CNTN5: variants seen among roughly 807,000 people sequenced by gnomAD.
The protein encoded by CNTN5 is contactin-5.
A neutral mutation model predicts 129.1 loss-of-function variants in CNTN5; 77 were observed. The ratio of observed to expected loss-of-function variants is 0.60; its 90% CI spans 0.50 to 0.72. The LOEUF is 0.72. Among genes scored for constraint, CNTN5 ranks in the 30% least tolerant of loss-of-function variants. The pLI, the probability that CNTN5 is intolerant of heterozygous loss-of-function variation, is 0.00. For missense variants in CNTN5, 1,478 were observed against 1,328.8 expected, an observed-to-expected ratio of 1.11 and a Z score of -1.75; for synonymous variants, 509 against 465.6, an observed-to-expected ratio of 1.09 and a Z score of -1.20.
intron 3 of CNTN5, among the ~76,000 whole-genome samples, chr11:99,642,091 T>C (rs1184405182): frequency 2.0e-5 from 3 of 152,144 alleles, no homozygotes; most frequent in Admixed American, 6.5e-5. Flanking sequence ...ATAGGGAAGA[T>C]TTCATTCTAC....
chr11:99,423,045 CT>C (rs1158625296), intron 2 of CNTN5, among the ~76,000 whole-genome samples: 1 of 152,166 alleles, frequency 6.6e-6, no homozygotes, highest in Non-Finnish European at 1.5e-5. Flanking sequence ...CACTAAGAGA[CT>C]GCAGGTACAG....
At chr11:99,910,595 G>T (rs1257081563) in intron 6 of CNTN5, among the ~76,000 whole-genome samples, 2 of 151,958 alleles carry the variant, frequency 1.3e-5, no homozygotes, top group Non-Finnish European at 2.9e-5. Flanking sequence ...TAAAACTTTA[G>T]AATCAATCAC....
chr11:100,129,275 C>G (rs1057299289), intron 13 of CNTN5, among the ~76,000 whole-genome samples: 6 of 152,114 alleles, frequency 3.9e-5, no homozygotes, highest in African/African-American at 9.7e-5. Flanking sequence ...TTTCAGGTAG[C>G]CTTTTTTCTA....
intron 21 of CNTN5, among the ~76,000 whole-genome samples, chr11:100,311,851 C>G (rs1951479913): frequency 6.6e-6 from 1 of 151,960 alleles, no homozygotes; most frequent in South Asian, 2.1e-4. Context: ...CAAGATTACT[C>G]AAGAGTGACA....
At chr11:100,256,770 C>T (rs1282542531) in intron 17 of CNTN5, among the ~76,000 whole-genome samples, 1 of 152,026 alleles carries the variant, frequency 6.6e-6, no homozygotes, top group East Asian at 1.9e-4. Flanking sequence ...CACACCAGCC[C>T]AGATACTACA....
chr11:99,696,380 G>A (rs1954270774), intron 3 of CNTN5, among the ~76,000 whole-genome samples: 2 of 151,984 alleles, frequency 1.3e-5, no homozygotes, highest in African/African-American at 4.8e-5. Context: ...GTTTGACAGA[G>A]TATGATGAGA....
At chr11:100,041,975 T>G (rs1942403455) in intron 9 of CNTN5, among the ~76,000 whole-genome samples, 1 of 152,174 alleles carries the variant, frequency 6.6e-6, no homozygotes, top group Admixed American at 6.5e-5. Flanking sequence ...AAGCTTATAT[T>G]CAAGTTAGAT....
At chr11:99,257,574 T>G (rs1862431978) in intron 1 of CNTN5, among the ~76,000 whole-genome samples, 1 of 152,080 alleles carries the variant, frequency 6.6e-6, no homozygotes, top group African/African-American at 2.4e-5. Flanking sequence ...GTGTAATTTT[T>G]TATTCATTTA....
At chr11:99,195,515 A>C (rs1167600090) in intron 1 of CNTN5, among the ~76,000 whole-genome samples, 6 of 152,166 alleles carry the variant, frequency 3.9e-5, no homozygotes, top group Admixed American at 2.6e-4. Flanking sequence ...AGCACCCTTC[A>C]TTATTTTGGG....
chr11:99,821,476 A>T (rs1169947999), intron 4 of CNTN5, among the ~76,000 whole-genome samples: 8 of 152,122 alleles, frequency 5.3e-5, no homozygotes, highest in Non-Finnish European at 1.0e-4. Flanking sequence ...TTAAAATAGA[A>T]TTGTTATTCA....
intron 2 of CNTN5, among the ~76,000 whole-genome samples, chr11:99,495,143 C>T (rs1254619362): frequency 6.6e-6 from 1 of 152,064 alleles, no homozygotes; most frequent in Admixed American, 6.6e-5. Context: ...GCTAAGGCGG[C>T]AGATCACGAA....
chr11:99,563,296 T>C (rs1457748575), intron 3 of CNTN5, among the ~76,000 whole-genome samples: 2 of 152,184 alleles, frequency 1.3e-5, no homozygotes, highest in African/African-American at 4.8e-5. Context: ...AATTGGTTAG[T>C]AGAAGAGGAA....
chr11:99,567,366 AT>A (rs5793996), intron 3 of CNTN5, among the ~76,000 whole-genome samples: 35,021 of 149,934 alleles, frequency 0.23, 4,606 homozygotes, highest in Middle Eastern at 0.35. Flanking sequence ...AACAAAAGGC[AT>A]TTTTTTTTTC....
At chr11:100,207,940 CT>C (rs1479893301) in intron 15 of CNTN5, among the ~76,000 whole-genome samples, 2 of 152,080 alleles carry the variant, frequency 1.3e-5, no homozygotes, top group Non-Finnish European at 2.9e-5. Flanking sequence ...TTGTTGCTAA[CT>C]TTTTTTGGGT....
At chr11:100,034,560 A>G (rs1053330730) in intron 9 of CNTN5, among the ~76,000 whole-genome samples, 10 of 152,166 alleles carry the variant, frequency 6.6e-5, no homozygotes, top group Non-Finnish European at 2.9e-5. Flanking sequence ...TGCTGCATAC[A>G]GAGTGTCCTA....
Position 99,041,047 on chromosome 11 carries a change from C to A in CNTN5, c.-210+19777C>A, listed in dbSNP as rs1428514330. 3.3e-5 allele frequency among the ~76,000 whole-genome samples: 5 copies of A among 152,154 alleles called. No individual in the cohort carries two copies. In the East Asian group the frequency reaches 9.6e-4, roughly 29 times the overall value. On this transcript the variant is annotated intron_variant, in intron 1 of 24. Coordinates refer to ENST00000524871, the MANE Select transcript of CNTN5 (RefSeq NM_014361.4). The stretch of plus-strand genomic sequence containing the variant: ...TTTGTTTTAATTTTGAACTAATCTC[C>A]TCAAACCTTATTTCTCATTTGTTCA...
chr11:99,300,445 C>G (rs1864586567), intron 1 of CNTN5, among the ~76,000 whole-genome samples: 3 of 151,844 alleles, frequency 2.0e-5, no homozygotes, highest in African/African-American at 7.3e-5. Context: ...GTTGAACCAT[C>G]CTTGCATACC....
At chr11:99,726,477 A>G (rs1417715132) in intron 3 of CNTN5, among the ~76,000 whole-genome samples, 1 of 152,354 alleles carries the variant, frequency 6.6e-6, no homozygotes, top group Non-Finnish European at 1.5e-5. Flanking sequence ...GCAAAACGAA[A>G]TAGAACAATT....
intron 3 of CNTN5, among the ~76,000 whole-genome samples, chr11:99,776,447 T>A (rs1182097426): frequency 3.3e-5 from 5 of 151,932 alleles, no homozygotes; most frequent in Non-Finnish European, 5.9e-5. Context: ...AATTTTTTTT[T>A]AATTTTCCTA....
Sources: allele counts gnomAD v4.1 joint callset (sites outside exome capture counted in the v4.1 genomes callset), GRCh38; gene constraint gnomAD v4.1.1; transcripts MANE v1.5; gene names NCBI Gene and HGNC (gene_info 2026-07-23, HGNC 2026-07-21).